The following ZNF366 variants were observed in gnomAD, a reference collection of about 807,000 sequenced individuals.
ZNF366 encodes the protein dendritic cell-specific transcript protein.
In ZNF366, 20 loss-of-function variants were observed where a neutral mutation model predicts 47.2. The observed-to-expected ratio is 0.42, with a 90% CI of 0.30 to 0.62. The LOEUF (loss-of-function observed/expected upper bound fraction) is 0.62. ZNF366 is among the 20% of genes least tolerant of loss of function. The pLI is 0.16. For synonymous variants in ZNF366, 421 were observed against 395.1 expected (o/e 1.07, Z -0.78); for missense variants, 987 against 976.3 (o/e 1.01, Z -0.15).
At chr5:72,490,551 T>C (rs2112351026) in intron 1 of ZNF366, among the ~76,000 whole-genome samples, 1 of 152,250 alleles carries the variant, frequency 6.6e-6, no homozygotes, top group African/African-American at 2.4e-5. Flanking sequence ...AGATTTGTAC[T>C]TAGCTTTCGT....
At chr5:72,484,707 A>G (rs1468497466) in intron 1 of ZNF366, among the ~76,000 whole-genome samples, 1 of 152,090 alleles carries the variant, frequency 6.6e-6, no homozygotes, top group African/African-American at 2.4e-5. Context: ...AGAGAAGGAA[A>G]AACTATTTGG....
chr5:72,455,906 A>G (rs1431827835), intron 3 of ZNF366, among the ~76,000 whole-genome samples: 1 of 152,152 alleles, frequency 6.6e-6, no homozygotes, highest in Non-Finnish European at 1.5e-5. Flanking sequence ...CCTGCCCTCA[A>G]ACTAAACATA....
At chr5:72,464,057 G>C (rs932989144) in intron 1 of ZNF366, among the ~76,000 whole-genome samples, 2 of 152,132 alleles carry the variant, frequency 1.3e-5, no homozygotes, top group Admixed American at 1.3e-4. Flanking sequence ...GCAAACCATT[G>C]CAGAGCCCAT....
Position 72,461,203 on chromosome 5 carries a change from G to A in ZNF366, c.294C>T (p.Ala98=). The A allele has an allele frequency of 1.2e-6, 2 of 1,614,156 alleles. No individual in the cohort carries two copies. Among genetic ancestry groups the A allele is most frequent in the Non-Finnish European group, 1.7e-6 (2 of 1,180,044 alleles). ...YNHPAEEVTL[A]LHSEENKNHG... is the part of the protein sequence containing the mutation. Reference sequence around the variant, plus strand: ...GGTTTTTGTTCTCCTCTGAGTGGAGGGCGAGGGTGACTTCTTCTGCAGGGT... The same window carrying A: ...GGTTTTTGTTCTCCTCTGAGTGGAGAGCGAGGGTGACTTCTTCTGCAGGGT... Residue 98 remains alanine (A), a synonymous_variant, in exon 2 of 5, where the codon GCC becomes GCT. Coordinates refer to ENST00000318442, the MANE Select transcript of ZNF366 (RefSeq NM_152625.3).
At chr5:72,447,093 A>AT (rs1225970016) in intron 4 of ZNF366, 150 bp downstream of exon 4, 13 of 842,802 alleles carry the variant, frequency 1.5e-5, no homozygotes, top group African/African-American at 1.0e-4. Context: ...TTAGCATCAG[A>AT]TTTTTTCTAG....
At chr5:72,484,806 G>A (rs1454684178) in intron 1 of ZNF366, among the ~76,000 whole-genome samples, 1 of 152,176 alleles carries the variant, frequency 6.6e-6, no homozygotes, top group Non-Finnish European at 1.5e-5. Flanking sequence ...TGTAGACTGA[G>A]GCACAGGATA....
At chr5:72,492,514 A>G (rs1744033133) in intron 1 of ZNF366, among the ~76,000 whole-genome samples, 1 of 152,234 alleles carries the variant, frequency 6.6e-6, no homozygotes, top group African/African-American at 2.4e-5. Flanking sequence ...CAACCATGTC[A>G]GCCAGTGCTG....
intron 1 of ZNF366, among the ~76,000 whole-genome samples, chr5:72,504,226 A>G (rs1486037134): frequency 6.6e-6 from 1 of 152,022 alleles, no homozygotes; most frequent in Admixed American, 6.5e-5. Context: ...CCTGGGCAGG[A>G]GGAGAATGTG....
At chr5:72,447,530 G>A (rs1200523223) in intron 3 of ZNF366, 113 bp from the exon 4 acceptor site, 18 of 1,271,234 alleles carry the variant, frequency 1.4e-5, no homozygotes, top group Non-Finnish European at 2.0e-5. Context: ...ATTTTAATCT[G>A]CTTGCAAGGA....
intron 1 of ZNF366, among the ~76,000 whole-genome samples, chr5:72,468,750 A>C (rs191599041): frequency 4.6e-5 from 7 of 152,284 alleles, no homozygotes; most frequent in Admixed American, 2.6e-4. Flanking sequence ...AGCAGGAGTG[A>C]ATATAATTAT....
chr5:72,500,766 G>A (rs151333810), intron 1 of ZNF366, among the ~76,000 whole-genome samples: 2 of 152,314 alleles, frequency 1.3e-5, no homozygotes, highest in African/African-American at 4.8e-5. Flanking sequence ...ACTTGAATGT[G>A]CAACTGGTCA....
intron 1 of ZNF366, among the ~76,000 whole-genome samples, chr5:72,481,048 C>A (rs563099497): frequency 6.6e-6 from 1 of 152,198 alleles, no homozygotes; most frequent in East Asian, 1.9e-4. Flanking sequence ...TGTGGACACC[C>A]TAAAACGGAC....
chr5:72,503,110 G>A (rs1580257444), intron 1 of ZNF366, among the ~76,000 whole-genome samples: 1 of 151,972 alleles, frequency 6.6e-6, no homozygotes, highest in East Asian at 1.9e-4. Context: ...GGGTGACAGA[G>A]CCTGACTCTG....
At chr5:72,448,295 T>C (rs1298471266) in intron 3 of ZNF366, among the ~76,000 whole-genome samples, 1 of 152,164 alleles carries the variant, frequency 6.6e-6, no homozygotes, top group Non-Finnish European at 1.5e-5. Context: ...TTTCTTTCTT[T>C]CTCGTCATTC....
rs918541225 is a variant in ZNF366, at chr5:72,442,328, CT to C, written c.*1427del. 6.6e-6 allele frequency: 1 copy of C among 152,166 alleles called. No individual in the cohort carries two copies. Among genetic ancestry groups the C allele is most frequent in the Non-Finnish European group, 1.5e-5 (1 of 68,038 alleles). The allele number at this position is 152,166 out of a possible 1,614,324, so 9.4% of individuals were successfully genotyped here. ...GTCCCCTCAATCTTCTCAATCTTGG[CT>C]GCACATAAGAATTGCCAGGAGCAAT... On this transcript the variant is annotated 3_prime_UTR_variant, in exon 5 of 5. Coordinates refer to ENST00000318442, the MANE Select transcript of ZNF366 (RefSeq NM_152625.3).
At chr5:72,466,484 T>G (rs1743429154) in intron 1 of ZNF366, among the ~76,000 whole-genome samples, 1 of 152,178 alleles carries the variant, frequency 6.6e-6, no homozygotes, top group South Asian at 2.1e-4. Flanking sequence ...ACCCAAAGTC[T>G]CAGACACTAG....
rs747545536 is a variant in ZNF366, at chr5:72,460,725, A to C, written c.772T>G (p.Cys258Gly). Reference protein sequence around the residue: ...GSQKRWQCPTCEKSYTSKYNL... With the variant: ...GSQKRWQCPTGEKSYTSKYNL... ...TACTTGGAGGTGTAGGACTTCTCGC[A>C]GGTGGGGCACTGCCAGCGCTTCTGC... Residue 258 changes from cysteine to glycine, a missense_variant, in exon 2 of 5, where the codon TGC becomes GGC. Cys to Gly is a radical substitution (Grantham distance 159). Transcript: ENST00000318442. 1 of 1,614,200 alleles carries C rather than the reference A, an allele frequency of 6.2e-7. No homozygotes were observed. The highest frequency in any genetic ancestry group is 1.1e-5 in the South Asian group (1 of 91,090).
intron 1 of ZNF366, among the ~76,000 whole-genome samples, chr5:72,498,939 A>G (rs182527771): frequency 1.3e-3 from 192 of 152,316 alleles, no homozygotes; most frequent in Non-Finnish European, 2.5e-3. Flanking sequence ...TCCCAACTGC[A>G]TGTATTAAAG....
At chr5:72,493,918 CTTTTTTT>C (rs70999281) in intron 1 of ZNF366, among the ~76,000 whole-genome samples, 7 of 62,512 alleles carry the variant, frequency 1.1e-4, no homozygotes, top group African/African-American at 2.0e-4. Flanking sequence ...CCATGCCCAG[CTTTTTTT>C]TTTTTTTTTT....
Sources: allele counts gnomAD v4.1 joint callset (sites outside exome capture counted in the v4.1 genomes callset), GRCh38; gene constraint gnomAD v4.1.1; transcripts MANE v1.5; gene names NCBI Gene and HGNC (gene_info 2026-07-23, HGNC 2026-07-21).